Variants in NAV2 observed in about 807,000 individuals in gnomAD.
NAV2 encodes the protein helicase, APC down-regulated 1.
A neutral mutation model predicts 223.2 loss-of-function variants in NAV2; 54 were observed. That is an observed-to-expected ratio of 0.24 (90% confidence interval 0.19 to 0.30). The LOEUF (loss-of-function observed/expected upper bound fraction) is 0.30. Among genes scored for constraint, NAV2 ranks in the 10% least tolerant of loss-of-function variants. The pLI is 1.00. For synonymous variants in NAV2, 1,279 were observed against 1,239.3 expected (o/e 1.03, Z -0.67); for missense variants, 2,806 against 3,147.5 (o/e 0.89, Z 2.60).
upstream of NAV2, among the ~76,000 whole-genome samples, chr11:19,346,033 GTCC>G (rs111619465): frequency 0.019 from 2,894 of 152,200 alleles, 87 homozygotes; most frequent in African/African-American, 0.067. Flanking sequence ...CGGTCTGTGT[GTCC>G]TCCTCTCTGT....
intron 20 of NAV2, among the ~76,000 whole-genome samples, chr11:20,065,194 T>C (rs2058968420): frequency 6.6e-6 from 1 of 152,210 alleles, no homozygotes; most frequent in African/African-American, 2.4e-5. Context: ...CTGAAACACA[T>C]GCTCCAGGCA....
rs138197204 is a variant in NAV2, at chr11:19,642,062, C to T, written c.76-190422C>T. ...GTTGAATTAATTAATTAATGACGGG[C>T]TGCTCTGTTTGTTGCCGAGATGGAA... On this transcript the variant is annotated intron_variant, in intron 1 of 37. Transcript: ENST00000360655. Among the ~76,000 whole-genome samples the T allele has an allele frequency of 4.0e-3, 603 of 152,242 alleles. 5 individuals are homozygous for T. Among genetic ancestry groups the T allele is most frequent in the African/African-American group, 0.012 (489 of 41,534 alleles).
chr11:19,475,955 T>G (rs2042100761), intron 1 of NAV2, among the ~76,000 whole-genome samples: 1 of 152,130 alleles, frequency 6.6e-6, no homozygotes, highest in Non-Finnish European at 1.5e-5. Flanking sequence ...TGAAGTCGAG[T>G]GTCAGTTGCC....
At chr11:19,725,556 G>A (rs16937153) in intron 1 of NAV2, among the ~76,000 whole-genome samples, 13,640 of 152,142 alleles carry the variant, frequency 0.09, 1,962 homozygotes, top group African/African-American at 0.31. Context: ...AACTAGAGAC[G>A]GTCACCAGGA....
At chr11:20,102,077 G>A (rs1168929869) in intron 32 of NAV2, among the ~76,000 whole-genome samples, 1 of 152,166 alleles carries the variant, frequency 6.6e-6, no homozygotes. Flanking sequence ...TGATGTAGGT[G>A]CAGGACAAGA....
chr11:19,407,478 C>T (rs1304614402), intron 1 of NAV2, among the ~76,000 whole-genome samples: 2 of 152,162 alleles, frequency 1.3e-5, no homozygotes, highest in African/African-American at 4.8e-5. Context: ...CAGGTGGGAG[C>T]AGAGTTAGGT....
At chr11:19,400,197 A>G (rs1849626075) in intron 1 of NAV2, among the ~76,000 whole-genome samples, 1 of 152,168 alleles carries the variant, frequency 6.6e-6, no homozygotes, top group South Asian at 2.1e-4. Flanking sequence ...TAAGCTAGGG[A>G]TCAATTCAGT....
At chr11:19,892,827 G>A (rs2041626674) in intron 6 of NAV2, among the ~76,000 whole-genome samples, 1 of 152,156 alleles carries the variant, frequency 6.6e-6, no homozygotes, top group Admixed American at 6.5e-5. Context: ...TTTGGGTGGG[G>A]CCCCATAGAC....
At chr11:19,474,335 TAGAA>T (rs1321079150) in intron 1 of NAV2, among the ~76,000 whole-genome samples, 1 of 152,260 alleles carries the variant, frequency 6.6e-6, no homozygotes, top group Non-Finnish European at 1.5e-5. Flanking sequence ...TGGGGCATGT[TAGAA>T]AGACTGAGAA....
At chr11:20,044,856 C>T in intron 13 of NAV2, 112 bp from the exon 14 acceptor site, 1 of 822,226 alleles carries the variant, frequency 1.2e-6, no homozygotes, top group South Asian at 1.9e-5. Flanking sequence ...TTTCCTCTGC[C>T]TCCCCAAGGG....
chr11:19,589,335 G>T (rs558844794), intron 1 of NAV2, among the ~76,000 whole-genome samples: 6 of 152,282 alleles, frequency 3.9e-5, no homozygotes, highest in Admixed American at 2.6e-4. Flanking sequence ...AAGGAAAAAT[G>T]GGACCACCTG....
intron 1 of NAV2, among the ~76,000 whole-genome samples, chr11:19,472,926 C>T (rs1239302551): frequency 1.3e-5 from 2 of 152,286 alleles, no homozygotes; most frequent in East Asian, 3.9e-4. Context: ...GGAGGTCTGC[C>T]AGGTCTGGGT....
rs72897617 is a variant in NAV2, at chr11:19,600,283, T to G, written c.76-232201T>G. ...AGCACTTCTGGCCTGCCCTGTTTGA[T>G]GCACAAGAATCTCTCAGAGACAGGA... On this transcript the variant is annotated intron_variant, in intron 1 of 37. Coordinates refer to the NAV2 transcript ENST00000360655. Among the ~76,000 whole-genome samples the G allele has an allele frequency of 6.3e-3, 964 of 152,296 alleles. 8 individuals are homozygous for G. Among genetic ancestry groups the G allele is most frequent in the Non-Finnish European group, 9.5e-3 (644 of 68,016 alleles).
At chr11:19,696,333 A>G (rs2049340315) in intron 1 of NAV2, among the ~76,000 whole-genome samples, 1 of 152,262 alleles carries the variant, frequency 6.6e-6, no homozygotes. Flanking sequence ...TGAACCTGGC[A>G]TGGGCCTTGA....
chr11:20,045,248 T>C lies in NAV2; in HGVS notation c.3480T>C (p.Ser1160=). ...TCCCAAAGTCATCTGCACTCGTCAG[T>C]CGGTCTGCTGGTCGGAAGTCAAGTA... ...GKIPKSSALV[S]RSAGRKSSMD... Residue 1160 remains serine, a synonymous_variant, in exon 14 of 38, where the codon AGT becomes AGC. Coordinates refer to ENST00000349880, the MANE Select transcript of NAV2 (RefSeq NM_145117.5). 6.2e-7 allele frequency: 1 copy of C among 1,614,198 alleles called. No individual in the cohort carries two copies. The highest frequency in any genetic ancestry group is 8.5e-7 in the Non-Finnish European group (1 of 1,180,034).
chr11:19,713,785 C>G lies in NAV2; in HGVS notation c.90C>G (p.Ala30=). Residue 30 remains alanine (A), a synonymous_variant, in exon 1 of 38, where the codon GCC becomes GCG. Transcript: ENST00000349880. The surrounding 1 kb of genome is among the most constrained non-coding windows in gnomAD (Gnocchi z 7.2). Reference sequence around the variant, plus strand: ...CGCCCATCCTGCACGTGCCCCCGGCCCGGGCGGGCCCCCAGCCCTGCTACC... The same window carrying G: ...CGCCCATCCTGCACGTGCCCCCGGCGCGGGCGGGCCCCCAGCCCTGCTACC... ...SAAPILHVPP[A]RAGPQPCYLK... is the part of the protein sequence containing the mutation. The G allele has an allele frequency of 1.2e-6, 2 of 1,612,872 alleles. No individual in the cohort carries two copies. The highest frequency in any genetic ancestry group is 2.2e-5 in the South Asian group (2 of 90,974).
At chr11:19,849,819 G>T (rs542008084) in intron 3 of NAV2, among the ~76,000 whole-genome samples, 25 of 152,214 alleles carry the variant, frequency 1.6e-4, no homozygotes, top group Non-Finnish European at 3.4e-4. Flanking sequence ...AGCATCCACT[G>T]CTTCCCACCC....
chr11:19,793,449 A>G (rs1211174973), intron 1 of NAV2, among the ~76,000 whole-genome samples: 1 of 152,330 alleles, frequency 6.6e-6, no homozygotes, highest in African/African-American at 2.4e-5. Flanking sequence ...GTTATAATGT[A>G]TTCACTGGGG....
chr11:19,740,959 C>T (rs1315561584), intron 1 of NAV2, among the ~76,000 whole-genome samples: 2 of 152,120 alleles, frequency 1.3e-5, no homozygotes, highest in Non-Finnish European at 2.9e-5. Context: ...CTGCTGCTTC[C>T]AATAGCAGCC....
Sources: gnomAD v4.1 joint callset for allele counts (sites outside exome capture counted in the v4.1 genomes callset) on GRCh38, gnomAD v4.1.1 for gene constraint, Gnocchi (gnomAD v3.1) non-coding constraint, MANE v1.5 for transcripts, NCBI Gene and HGNC (gene_info 2026-07-23, HGNC 2026-07-21) for gene names.